UTS2B: variants seen among roughly 807,000 people sequenced by gnomAD.
The protein encoded by UTS2B is urotensin-2B.
In UTS2B, 21 loss-of-function variants were observed where a neutral mutation model predicts 19.2. The observed-to-expected ratio is 1.09, with a 90% CI of 0.78 to 1.58. The LOEUF is 1.58. UTS2B is among the 40% of genes most tolerant of loss of function. The pLI, the probability that UTS2B is intolerant of heterozygous loss-of-function variation, is 0.00. For missense variants in UTS2B, 138 were observed against 130.3 expected, an observed-to-expected ratio of 1.06 and a Z score of -0.29; for synonymous variants, 57 against 50.2, an observed-to-expected ratio of 1.14 and a Z score of -0.58.
intron 4 of UTS2B, among the ~76,000 whole-genome samples, chr3:191,292,792 T>C (rs1716753683): frequency 6.6e-6 from 1 of 152,216 alleles, no homozygotes; most frequent in South Asian, 2.1e-4. Flanking sequence ...CTGGATTTTT[T>C]TGTAGCTGCC....
chr3:191,294,657 T>C (rs1245436594), intron 4 of UTS2B: 1 of 151,748 alleles, frequency 6.6e-6, no homozygotes, highest in Non-Finnish European at 1.5e-5. Flanking sequence ...CTCAGGAGCT[T>C]TTATATTATC....
intron 1 of UTS2B, among the ~76,000 whole-genome samples, chr3:191,329,930 C>T (rs1306989239): frequency 3.0e-5 from 2 of 67,214 alleles, no homozygotes; most frequent in African/African-American, 7.0e-5. Context: ...CGTTTTTTCT[C>T]AAGGGGGTGG....
At chr3:191,330,329 A>ACAC in intron 1 of UTS2B, 85 bp downstream of exon 1, 1 of 148,532 alleles carries the variant, frequency 6.7e-6, no homozygotes, top group Non-Finnish European at 1.5e-5. Flanking sequence ...ACACACACAC[A>ACAC]ATAGTGAGCG....
chr3:191,327,197 T>A (rs889715199), intron 2 of UTS2B, among the ~76,000 whole-genome samples: 2 of 152,156 alleles, frequency 1.3e-5, no homozygotes, highest in African/African-American at 4.8e-5. Context: ...ATTAACTGGG[T>A]TAAGAGAACT....
At chr3:191,307,806 TTTTTCTTTTC>T (rs369338267) in intron 3 of UTS2B, among the ~76,000 whole-genome samples, 1 of 142,830 alleles carries the variant, frequency 7.0e-6, no homozygotes, top group African/African-American at 2.5e-5. Context: ...TGCTTTTTCT[TTTTTCTTTTC>T]TTTTCTTTTC....
At chr3:191,272,076 G>A (rs753568296) in intron 8 of UTS2B, among the ~76,000 whole-genome samples, 16 of 152,150 alleles carry the variant, frequency 1.1e-4, no homozygotes, top group South Asian at 8.3e-4. Context: ...TGGAGACCAC[G>A]TGTTCCACAT....
At chr3:191,278,331 A>G (rs765103956) in intron 5 of UTS2B, among the ~76,000 whole-genome samples, 161 bp from the exon 6 acceptor site, 15 of 151,982 alleles carry the variant, frequency 9.9e-5, no homozygotes, top group Non-Finnish European at 2.1e-4. Context: ...ATTATTGAAT[A>G]TATATTGAAT....
the UTS2B span, among the ~76,000 whole-genome samples, chr3:191,340,427 C>T: frequency 3.3e-5 from 5 of 152,154 alleles, no homozygotes; most frequent in Non-Finnish European, 7.4e-5. Context: ...ACTCAAAATA[C>T]AGAATTAGGA....
chr3:191,340,778 C>T, the UTS2B span, among the ~76,000 whole-genome samples: 18 of 152,152 alleles, frequency 1.2e-4, no homozygotes, highest in South Asian at 2.1e-4. Context: ...GAGCTTTAGA[C>T]GTGCAGTAAA....
chr3:191,274,611 G>T (rs1178508246), intron 8 of UTS2B, among the ~76,000 whole-genome samples: 1 of 152,138 alleles, frequency 6.6e-6, no homozygotes, highest in Non-Finnish European at 1.5e-5. Context: ...CTTAACACTG[G>T]TTCATCTTCT....
intron 3 of UTS2B, among the ~76,000 whole-genome samples, chr3:191,313,492 G>T (rs1420935183): frequency 6.6e-6 from 1 of 152,026 alleles, no homozygotes; most frequent in South Asian, 2.1e-4. Flanking sequence ...CAATAACAAA[G>T]TCCAGGTGTC....
At chr3:191,311,077 A>G (rs1025154746) in intron 3 of UTS2B, among the ~76,000 whole-genome samples, 1 of 152,238 alleles carries the variant, frequency 6.6e-6, no homozygotes, top group African/African-American at 2.4e-5. Flanking sequence ...TAAAGTAGTC[A>G]ATAGACACAG....
intron 2 of UTS2B, among the ~76,000 whole-genome samples, chr3:191,325,929 A>G (rs1717733726): frequency 6.6e-6 from 1 of 152,310 alleles, no homozygotes; most frequent in East Asian, 1.9e-4. Context: ...AGTCTGTGGT[A>G]TTTTGTTATG....
chr3:191,283,470 T>C (rs1274088150), intron 4 of UTS2B, among the ~76,000 whole-genome samples: 1 of 140,314 alleles, frequency 7.1e-6, no homozygotes, highest in Non-Finnish European at 1.5e-5. Flanking sequence ...TGCCACAACA[T>C]TTTGTTTGTA....
intron 4 of UTS2B, among the ~76,000 whole-genome samples, chr3:191,290,184 ATC>A (rs1402230502): frequency 6.6e-6 from 1 of 152,098 alleles, no homozygotes; most frequent in Admixed American, 6.5e-5. Context: ...TAAATCTTTT[ATC>A]TCTCTCTCTC....
At chr3:191,322,945 AT>A (rs1259000521) in intron 2 of UTS2B, among the ~76,000 whole-genome samples, 1 of 152,168 alleles carries the variant, frequency 6.6e-6, no homozygotes, top group Non-Finnish European at 1.5e-5. Context: ...AAAGGTAACA[AT>A]TGGAACAGAA....
At chr3:191,301,839 G>A (rs1253085053) in intron 4 of UTS2B, among the ~76,000 whole-genome samples, 2 of 152,158 alleles carry the variant, frequency 1.3e-5, no homozygotes, top group African/African-American at 4.8e-5. Flanking sequence ...AAAGAGCAGT[G>A]CTCTAGAAAG....
chr3:191,302,871 T>C (rs1717040735), intron 4 of UTS2B, among the ~76,000 whole-genome samples: 1 of 152,106 alleles, frequency 6.6e-6, no homozygotes, highest in African/African-American at 2.4e-5. Flanking sequence ...TGCTCCTCTT[T>C]CCCTCCCAAA....
intron 8 of UTS2B, among the ~76,000 whole-genome samples, chr3:191,269,839 T>A (rs1194511380): frequency 6.6e-6 from 1 of 152,222 alleles, no homozygotes; most frequent in East Asian, 1.9e-4. Flanking sequence ...GTTTGGAGAA[T>A]TTTTTGGATG....
Sources: gnomAD v4.1 joint callset for allele counts (sites outside exome capture counted in the v4.1 genomes callset) on GRCh38, gnomAD v4.1.1 for gene constraint, MANE v1.5 for transcripts, NCBI Gene and HGNC (gene_info 2026-07-23, HGNC 2026-07-21) for gene names.